EYS: variants seen among roughly 807,000 people sequenced by gnomAD.
EYS encodes protein eyes shut homolog.
In EYS, 250 loss-of-function variants were observed where a neutral mutation model predicts 282.1. The ratio of observed to expected loss-of-function variants is 0.89; its 90% confidence interval spans 0.80 to 0.98. EYS has a LOEUF of 0.98. Ranked by LOEUF, EYS falls within the 50% of genes least tolerant of loss-of-function variation. The probability of loss-of-function intolerance (pLI) is 0.00; values close to 1 mark genes in which losing one functional copy is unlikely to be tolerated. For synonymous variants in EYS, 1,355 were observed against 1,282.9 expected (o/e 1.06, Z -1.20); for missense variants, 4,016 against 3,709.0 (o/e 1.08, Z -2.15).
intron 11 of EYS, chr6:65,331,804 T>C (rs1769806443): frequency 1.3e-6 from 1 of 763,784 alleles, no homozygotes; most frequent in Non-Finnish European, 1.6e-6. Context: ...GTTTTCAATG[T>C]TTATTCGTAT....
intron 28 of EYS, among the ~76,000 whole-genome samples, chr6:64,390,326 C>T (rs979114026): frequency 3.9e-5 from 6 of 152,266 alleles, no homozygotes; most frequent in South Asian, 2.1e-4. Flanking sequence ...GGGCAGGGCA[C>T]GGACAAACAA....
intron 13 of EYS, among the ~76,000 whole-genome samples, chr6:65,018,947 C>CT (rs777840441): frequency 4.6e-5 from 7 of 152,066 alleles, no homozygotes; most frequent in Non-Finnish European, 8.8e-5. Context: ...ATTGACCTTA[C>CT]TGTATGACAT....
chr6:64,489,716 T>C (rs974139017), intron 26 of EYS, among the ~76,000 whole-genome samples: 1 of 150,552 alleles, frequency 6.6e-6, no homozygotes, highest in African/African-American at 2.4e-5. Flanking sequence ...ATTAGATAAA[T>C]TGAAATTCTG....
At chr6:64,625,600 A>G (rs1476720308) in intron 23 of EYS, among the ~76,000 whole-genome samples, 2 of 152,200 alleles carry the variant, frequency 1.3e-5, no homozygotes, top group African/African-American at 2.4e-5. Flanking sequence ...ATCATCTTCC[A>G]AAGTCCCACC....
chr6:65,236,622 T>A (rs543498310), intron 12 of EYS, among the ~76,000 whole-genome samples: 4 of 150,674 alleles, frequency 2.7e-5, no homozygotes, highest in South Asian at 4.2e-4. Context: ...AAAAAAAAAA[T>A]AAATAACAGT....
chr6:63,829,981 A>G (rs1335922874), intron 36 of EYS, among the ~76,000 whole-genome samples: 1 of 152,246 alleles, frequency 6.6e-6, no homozygotes. Flanking sequence ...GGAAACTCCA[A>G]CAGACCTGCA....
intron 34 of EYS, 121 bp downstream of exon 34, chr6:63,998,954 G>T: frequency 1.6e-6 from 1 of 632,378 alleles, no homozygotes; most frequent in South Asian, 2.0e-5. Context: ...GCTTTGTTGA[G>T]AGTTTTTACA....
Position 63,788,200 on chromosome 6 carries a change from C to T in EYS, c.7628G>A (p.Gly2543Asp). ...KSIIAPGRLV[G>D]LNVFSQFYVG... Reference sequence around the variant, plus strand: ...ATAAAACTGACTGAAGACATTGAGACCAACCAGTCTTCCTGGGGCGATAAT... The same window carrying T: ...ATAAAACTGACTGAAGACATTGAGATCAACCAGTCTTCCTGGGGCGATAAT... Residue 2543 changes from glycine (G) to aspartate (D), a missense_variant, in exon 39 of 43, where the codon GGT becomes GAT. Gly to Asp is a moderately conservative substitution (Grantham distance 94, BLOSUM62 -1). Coordinates refer to ENST00000503581, the MANE Select transcript of EYS (RefSeq NM_001142800.2). 1 of 1,547,470 alleles carries T rather than the reference C, an allele frequency of 6.5e-7. No individual in the cohort carries two copies. Among genetic ancestry groups the T allele is most frequent in the South Asian group, 1.2e-5 (1 of 82,882 alleles).
chr6:63,841,731 G>A (rs1182129640), intron 36 of EYS, among the ~76,000 whole-genome samples: 1 of 152,050 alleles, frequency 6.6e-6, no homozygotes, highest in Non-Finnish European at 1.5e-5. Context: ...TCTATATTAG[G>A]TATTTCTCCT....
At chr6:65,431,940 T>C (rs555724654) in intron 5 of EYS, among the ~76,000 whole-genome samples, 4 of 152,170 alleles carry the variant, frequency 2.6e-5, no homozygotes, top group Non-Finnish European at 5.9e-5. Context: ...TGAGCAACTA[T>C]CTCTGGTGGG....
chr6:65,276,271 A>G (rs1768045345), intron 12 of EYS, among the ~76,000 whole-genome samples: 1 of 152,178 alleles, frequency 6.6e-6, no homozygotes, highest in Admixed American at 6.5e-5. Flanking sequence ...CTCATGGTCC[A>G]GGATAGGAAG....
intron 2 of EYS, among the ~76,000 whole-genome samples, chr6:65,598,839 T>C (rs139688293): frequency 2.0e-4 from 30 of 152,196 alleles, no homozygotes; most frequent in African/African-American, 7.0e-4. Flanking sequence ...TTGAACGTAT[T>C]ATTTAACCTC....
intron 22 of EYS, among the ~76,000 whole-genome samples, chr6:64,784,487 C>G (rs1773956559): frequency 6.6e-6 from 1 of 152,012 alleles, no homozygotes; most frequent in Non-Finnish European, 1.5e-5. Context: ...TTGTCTTCCC[C>G]CTTTACTGGA....
chr6:64,176,642 G>A (rs1354818680), intron 31 of EYS, among the ~76,000 whole-genome samples: 2 of 151,760 alleles, frequency 1.3e-5, no homozygotes, highest in African/African-American at 4.8e-5. Context: ...TTTGAAATGT[G>A]GATTTTACCA....
At chr6:65,621,382 C>CT (rs1032791117) in intron 2 of EYS, among the ~76,000 whole-genome samples, 11 of 151,046 alleles carry the variant, frequency 7.3e-5, no homozygotes, top group African/African-American at 2.4e-4. Context: ...CAACCCCTGC[C>CT]TTTTTTTGTT....
intron 41 of EYS, among the ~76,000 whole-genome samples, chr6:63,757,164 C>A (rs147054042): frequency 6.6e-6 from 1 of 152,082 alleles, no homozygotes; most frequent in East Asian, 1.9e-4. Context: ...TTGCTGAATT[C>A]TTTTCCTAGC....
chr6:64,751,776 A>G (rs1354592968), intron 22 of EYS, among the ~76,000 whole-genome samples: 1 of 152,042 alleles, frequency 6.6e-6, no homozygotes, highest in Non-Finnish European at 1.5e-5. Flanking sequence ...ACTTGCCAAG[A>G]CCTCTGCTAT....
At chr6:65,559,301 G>A (rs76516956) in intron 2 of EYS, among the ~76,000 whole-genome samples, 6,334 of 152,196 alleles carry the variant, frequency 0.042, 154 homozygotes, top group Admixed American at 0.049. Context: ...AGAACTGCTC[G>A]AACCTGGGAG....
chr6:65,454,411 G>A (rs943918495), intron 5 of EYS, among the ~76,000 whole-genome samples: 2 of 151,714 alleles, frequency 1.3e-5, no homozygotes, highest in Non-Finnish European at 2.9e-5. Flanking sequence ...TAAATCCTTT[G>A]TTAGATGTAT....
Sources: gnomAD v4.1 joint callset for allele counts (sites outside exome capture counted in the v4.1 genomes callset) on GRCh38, gnomAD v4.1.1 for gene constraint, MANE v1.5 for transcripts, NCBI Gene and HGNC (gene_info 2026-07-23, HGNC 2026-07-21) for gene names.